The following RBPJ variants were observed in gnomAD, a reference collection of about 807,000 sequenced individuals.
RBPJ encodes the protein recombining binding protein suppressor of hairless.
In RBPJ, 9 loss-of-function variants were observed where a neutral mutation model predicts 67.8. That is an observed-to-expected ratio of 0.13 (90% CI 0.08 to 0.23). RBPJ has a LOEUF of 0.23. Among genes scored for constraint, RBPJ ranks in the 10% least tolerant of loss-of-function variants. The pLI, the probability that RBPJ is intolerant of heterozygous loss-of-function variation, is 1.00. For synonymous variants in RBPJ, 198 were observed against 203.3 expected (o/e 0.97, Z 0.22); for missense variants, 305 against 595.6 (o/e 0.51, Z 5.08).
chr4:26,411,242 C>T (rs1733978345), intron 3 of RBPJ, among the ~76,000 whole-genome samples: 1 of 152,112 alleles, frequency 6.6e-6, no homozygotes, highest in Admixed American at 6.5e-5. Flanking sequence ...GAAAGTCTGA[C>T]TCTGTCTTTA....
At chr4:26,281,020 T>C (rs1721256843) in intron 1 of RBPJ, among the ~76,000 whole-genome samples, 2 of 152,176 alleles carry the variant, frequency 1.3e-5, no homozygotes, top group South Asian at 2.1e-4. Context: ...CTGTTTTCCA[T>C]TGGGTTCAAT....
chr4:26,399,730 G>A (rs1426126308), intron 2 of RBPJ, among the ~76,000 whole-genome samples: 1 of 151,962 alleles, frequency 6.6e-6, no homozygotes, highest in East Asian at 1.9e-4. Context: ...CTGTCGCTCA[G>A]GCTGGAGTGC....
At chr4:26,357,320 G>A (rs73121154) in intron 1 of RBPJ, among the ~76,000 whole-genome samples, 2,801 of 152,214 alleles carry the variant, frequency 0.018, 96 homozygotes, top group African/African-American at 0.063. Flanking sequence ...ATAAAAGAAA[G>A]GCATCAAACT....
rs551320785 is a variant in RBPJ at position 26,363,535 on chromosome 4, T to G, written c.21-22818T>G. Among the ~76,000 whole-genome samples, 12 of 152,250 alleles carry G rather than the reference T, an allele frequency of 7.9e-5. No homozygotes were observed. The South Asian group carries it at 2.5e-3, about 32-fold the overall frequency. On this transcript the variant is annotated intron_variant, in intron 1 of 10. Coordinates refer to ENST00000355476, the MANE Select transcript of RBPJ (RefSeq NM_015874.6). ...CTCACTGCAGCCTCTGCCTCCTGGG[T>G]TCAAGCAATTCTCCTGTCTCAGCCT...
At chr4:26,299,276 TTCTAAA>T (rs1219080706) in intron 1 of RBPJ, among the ~76,000 whole-genome samples, 1 of 152,226 alleles carries the variant, frequency 6.6e-6, no homozygotes, top group East Asian at 1.9e-4. Context: ...TCATCAACTT[TTCTAAA>T]TCTGTTTAGA....
At chr4:26,242,251 TC>T (rs1719664433) in intron 1 of RBPJ, among the ~76,000 whole-genome samples, 1 of 151,670 alleles carries the variant, frequency 6.6e-6, no homozygotes, top group Non-Finnish European at 1.5e-5. Context: ...ATCGAGACCA[TC>T]CTGGCTAACA....
chr4:26,285,996 T>G (rs999803078), intron 1 of RBPJ, among the ~76,000 whole-genome samples: 1 of 152,192 alleles, frequency 6.6e-6, no homozygotes, highest in African/African-American at 2.4e-5. Context: ...ATGCCTGTAG[T>G]CCTAGCTGCT....
At chr4:26,349,082 G>A (rs1443139218) in intron 1 of RBPJ, among the ~76,000 whole-genome samples, 1 of 135,916 alleles carries the variant, frequency 7.4e-6, no homozygotes, top group African/African-American at 2.6e-5. Context: ...TTGTGTGTGT[G>A]TGTGTGCGCG....
At chr4:26,377,063 A>G (rs1036798688) in intron 1 of RBPJ, among the ~76,000 whole-genome samples, 10 of 152,224 alleles carry the variant, frequency 6.6e-5, no homozygotes, top group African/African-American at 1.4e-4. Context: ...GTATAAATAT[A>G]TACTTGTTTT....
the RBPJ span, among the ~76,000 whole-genome samples, chr4:26,150,972 T>G: frequency 6.6e-6 from 1 of 152,316 alleles, no homozygotes; most frequent in Non-Finnish European, 1.5e-5. Flanking sequence ...ATACTGACAA[T>G]GGAAAACATG....
At chr4:26,149,258 T>G in the RBPJ span, among the ~76,000 whole-genome samples, 1 of 152,224 alleles carries the variant, frequency 6.6e-6, no homozygotes, top group Non-Finnish European at 1.5e-5. Flanking sequence ...TTCAATGTTG[T>G]GAAAAGTTTA....
chr4:26,165,786 T>G (rs921586415), intron 1 of RBPJ, among the ~76,000 whole-genome samples: 8 of 151,970 alleles, frequency 5.3e-5, no homozygotes, highest in Admixed American at 5.2e-4. Context: ...TACATATGTA[T>G]ACATGTGCTA....
intron 1 of RBPJ, among the ~76,000 whole-genome samples, chr4:26,273,930 T>C (rs1721000558): frequency 6.6e-6 from 1 of 152,218 alleles, no homozygotes; most frequent in Non-Finnish European, 1.5e-5. Context: ...TGGAGGTGTC[T>C]GTGTCTTCTC....
upstream of RBPJ, among the ~76,000 whole-genome samples, chr4:26,159,320 G>T (rs1298893248): frequency 2.6e-5 from 4 of 152,202 alleles, no homozygotes; most frequent in Admixed American, 2.6e-4. Flanking sequence ...GTCCAGACTT[G>T]TTGCACAAGT....
At chr4:26,207,754 A>G (rs1465823215) in intron 1 of RBPJ, among the ~76,000 whole-genome samples, 3 of 152,144 alleles carry the variant, frequency 2.0e-5, no homozygotes, top group Non-Finnish European at 4.4e-5. Flanking sequence ...TGCTTTGAGT[A>G]TATTTATATG....
intron 1 of RBPJ, among the ~76,000 whole-genome samples, chr4:26,312,354 A>C (rs1215170647): frequency 1.3e-5 from 2 of 151,956 alleles, no homozygotes; most frequent in African/African-American, 2.4e-5. Flanking sequence ...GATGGTCTCG[A>C]TCTCCTGACC....
At chr4:26,106,860 A>G in the RBPJ span, among the ~76,000 whole-genome samples, 3 of 152,178 alleles carry the variant, frequency 2.0e-5, no homozygotes, top group Non-Finnish European at 4.4e-5. Flanking sequence ...TGGACCTGGG[A>G]GAGACTGAAT....
intron 1 of RBPJ, among the ~76,000 whole-genome samples, chr4:26,262,172 T>C (rs1720560910): frequency 6.6e-6 from 1 of 152,150 alleles, no homozygotes; most frequent in Non-Finnish European, 1.5e-5. Context: ...CTTGAACCCC[T>C]GGACTCAAAT....
At chr4:26,216,447 G>C (rs1560215306) in intron 1 of RBPJ, among the ~76,000 whole-genome samples, 1 of 152,084 alleles carries the variant, frequency 6.6e-6, no homozygotes, top group Admixed American at 6.6e-5. Context: ...GATGCTGGCA[G>C]GTTTGAAAAC....
Sources: allele counts gnomAD v4.1 joint callset (sites outside exome capture counted in the v4.1 genomes callset), GRCh38; gene constraint gnomAD v4.1.1; transcripts MANE v1.5; gene names NCBI Gene and HGNC (gene_info 2026-07-23, HGNC 2026-07-21).